Variants in ZNF366 observed in about 807,000 individuals in gnomAD.
The protein encoded by ZNF366 is zinc finger protein 366, also known as dendritic cell-specific transcript protein.
In ZNF366, 20 loss-of-function variants were observed where a neutral mutation model predicts 47.2. The ratio of observed to expected loss-of-function variants is 0.42; its 90% CI spans 0.30 to 0.62. The LOEUF (loss-of-function observed/expected upper bound fraction) is 0.62, where lower values mean the gene tolerates loss of function less well. ZNF366 is among the 20% of genes least tolerant of loss of function. The probability of loss-of-function intolerance (pLI) is 0.16; values close to 1 mark genes in which losing one functional copy is unlikely to be tolerated. For synonymous variants in ZNF366, 421 were observed against 395.1 expected, an observed-to-expected ratio of 1.07 and a Z score of -0.78; for missense variants, 987 against 976.3, an observed-to-expected ratio of 1.01 and a Z score of -0.15.
rs1010815784 is a variant in ZNF366 at position 72,499,958 on chromosome 5, C to T, written c.-15+7293G>A. On this transcript the variant is annotated intron_variant, in intron 1 of 4. Transcript: ENST00000318442. ...CTCTCTTCCGGCGCTGCTTCCTTCCCCCACCCCTCCAACAATAGTCTCCTC... is the reference window on the plus strand; with the variant it reads ...CTCTCTTCCGGCGCTGCTTCCTTCCTCCACCCCTCCAACAATAGTCTCCTC... Among the ~76,000 whole-genome samples the T allele has an allele frequency of 7.6e-4, 116 of 152,170 alleles. 8 individuals carry two copies. Among genetic ancestry groups the T allele is most frequent in the Non-Finnish European group, 7.4e-5 (5 of 68,026 alleles).
intron 1 of ZNF366, among the ~76,000 whole-genome samples, chr5:72,478,912 T>G (rs1743727534): frequency 6.6e-6 from 1 of 152,228 alleles, no homozygotes; most frequent in African/African-American, 2.4e-5. Context: ...GGTTACAGAA[T>G]AGTCATTCAA....
chr5:72,454,255 G>A (rs1389182130), intron 3 of ZNF366, among the ~76,000 whole-genome samples: 3 of 152,190 alleles, frequency 2.0e-5, no homozygotes, highest in East Asian at 1.9e-4. Flanking sequence ...AGGAGCCATC[G>A]TTCATGAAAG....
chr5:72,480,346 G>A (rs1025266735), intron 1 of ZNF366, among the ~76,000 whole-genome samples: 3 of 152,200 alleles, frequency 2.0e-5, no homozygotes, highest in African/African-American at 7.2e-5. Flanking sequence ...TTTGGCAAAA[G>A]AAAGAGTTCT....
Position 72,444,006 on chromosome 5 carries a change from G to T in ZNF366, c.1985C>A (p.Ala662Asp), listed in dbSNP as rs144841656. 1 of 1,614,008 alleles carries T rather than the reference G, an allele frequency of 6.2e-7. No individual in the cohort carries two copies. The highest frequency in any genetic ancestry group is 2.2e-5 in the East Asian group (1 of 44,884). Reference sequence around the variant, plus strand: ...TGCATCCTCCTTCTCCTCCTTGCAGGCTTCCTCCAGCACCTCGGGGGCGTG... The same window carrying T: ...TGCATCCTCCTTCTCCTCCTTGCAGTCTTCCTCCAGCACCTCGGGGGCGTG... ...SEHAPEVLEE[A>D]CKEEKEDASK... The change falls in exon 5 of 5, where the codon GCC (alanine) becomes GAC (aspartate). Residue 662 changes from alanine to aspartate, a missense_variant. Around this residue, in one of 3 missense-constraint regions of ZNF366, gnomAD observed 285 missense variants for 234.8 expected, o/e 1.21. Transcript: ENST00000318442.
At chr5:72,452,863 C>A (rs1266097385) in intron 3 of ZNF366, among the ~76,000 whole-genome samples, 4 of 152,154 alleles carry the variant, frequency 2.6e-5, no homozygotes, top group African/African-American at 9.7e-5. Flanking sequence ...CCAAATCAAC[C>A]CCTGTGTGCT....
At chr5:72,504,472 T>C (rs557937295) in intron 1 of ZNF366, among the ~76,000 whole-genome samples, 4 of 152,354 alleles carry the variant, frequency 2.6e-5, no homozygotes, top group African/African-American at 9.6e-5. Flanking sequence ...TGCATTGAGC[T>C]GTGTTGAATA....
chr5:72,469,007 C>T (rs1743490339), intron 1 of ZNF366, among the ~76,000 whole-genome samples: 1 of 152,180 alleles, frequency 6.6e-6, no homozygotes, highest in South Asian at 2.1e-4. Flanking sequence ...GATAAACTTA[C>T]TCTTAGCTAC....
chr5:72,446,828 A>G (rs569358544), intron 4 of ZNF366, among the ~76,000 whole-genome samples: 11 of 152,250 alleles, frequency 7.2e-5, no homozygotes, highest in Non-Finnish European at 1.3e-4. Flanking sequence ...CTGCACAGTC[A>G]GAAAGGCCTA....
chr5:72,460,462 G>C lies in ZNF366; in HGVS notation c.1035C>G (p.Gly345=). 1.2e-6 allele frequency: 2 copies of C among 1,614,016 alleles called. No homozygotes were observed. The highest frequency in any genetic ancestry group is 8.5e-7 in the Non-Finnish European group (1 of 1,179,960). Residue 345 remains glycine (G), a synonymous_variant, in exon 2 of 5, where the codon GGC becomes GGG. Transcript: ENST00000318442. The part of the protein sequence containing the change: ...KPHNCRVCGR[G]FAYPSELKAH... ...CCTTGAGCTCGCTGGGGTAGGCAAA[G>C]CCGCGGCCGCACACGCGGCAGTTGT...
rs1182825599 is a variant in ZNF366 at position 72,442,076 on chromosome 5, C to T, written c.*1680G>A. The T allele has an allele frequency of 6.6e-6, 1 of 152,122 alleles. No homozygotes were observed. Among genetic ancestry groups the T allele is most frequent in the East Asian group, 1.9e-4 (1 of 5,182 alleles). The allele number at this position is 152,122 out of a possible 1,614,324, so 9.4% of individuals were successfully genotyped here. ...TTTAAACATAGTAAGTGACCATAAA[C>T]ATCACAGGCATCATCTTCTAGTATA... On this transcript the variant is annotated 3_prime_UTR_variant, in exon 5 of 5. Coordinates refer to ENST00000318442, the MANE Select transcript of ZNF366 (RefSeq NM_152625.3).
intron 1 of ZNF366, among the ~76,000 whole-genome samples, chr5:72,474,858 TAA>T (rs1743641851): frequency 1.3e-5 from 2 of 152,250 alleles, no homozygotes; most frequent in African/African-American, 2.4e-5. Flanking sequence ...TTTGGAATTC[TAA>T]GTCTGCCTTA....
intron 1 of ZNF366, among the ~76,000 whole-genome samples, chr5:72,487,813 G>A (rs1220898370): frequency 6.6e-6 from 1 of 152,182 alleles, no homozygotes; most frequent in East Asian, 1.9e-4. Context: ...AAAATACCAG[G>A]ACAGGTTAAA....
At chr5:72,498,210 T>G (rs1744148810) in intron 1 of ZNF366, among the ~76,000 whole-genome samples, 1 of 152,214 alleles carries the variant, frequency 6.6e-6, no homozygotes, top group Non-Finnish European at 1.5e-5. Flanking sequence ...TATATTTTTA[T>G]TTTTAACATT....
Position 72,449,814 on chromosome 5 carries a change from A to G in ZNF366, c.1525-2397T>C, listed in dbSNP as rs141639878. 5.4e-3 allele frequency among the ~76,000 whole-genome samples: 830 copies of G among 152,304 alleles called. 4 individuals are homozygous for G. Among genetic ancestry groups the G allele is most frequent in the Non-Finnish European group, 8.5e-3 (579 of 68,022 alleles). On this transcript the variant is annotated intron_variant, in intron 3 of 4. Coordinates refer to ENST00000318442, the MANE Select transcript of ZNF366 (RefSeq NM_152625.3). ...CTCAGTAAGCATCTGCTGAGTGAGG[A>G]AAGGGGTGGGAAACATAGCCACGGA...
chr5:72,472,810 G>C (rs1252957945), intron 1 of ZNF366, among the ~76,000 whole-genome samples: 4 of 152,116 alleles, frequency 2.6e-5, no homozygotes, highest in Non-Finnish European at 5.9e-5. Context: ...TAATGTAGTT[G>C]AGTTGCTTAA....
chr5:72,504,966 G>A (rs1280657685), intron 1 of ZNF366, among the ~76,000 whole-genome samples: 1 of 152,184 alleles, frequency 6.6e-6, no homozygotes, highest in African/African-American at 2.4e-5. Flanking sequence ...ACCAAAAGTA[G>A]TACAACAACA....
intron 1 of ZNF366, among the ~76,000 whole-genome samples, chr5:72,474,678 A>G (rs1743637975): frequency 6.6e-6 from 1 of 151,966 alleles, no homozygotes; most frequent in African/African-American, 2.4e-5. Context: ...ACACACACAG[A>G]CACACACACA....
At position 72,444,246 on chromosome 5, in the gene ZNF366, A is replaced by T. The variant is rs116305374; in HGVS notation, c.1745T>A (p.Leu582Gln). The T allele has an allele frequency of 3.8e-4, 616 of 1,613,494 alleles. 3 individuals are homozygous for T. In the African/African-American group the frequency reaches 7.4e-3, roughly 19 times the overall value. Residue 582 changes from leucine (L) to glutamine (Q), a missense_variant, in exon 5 of 5, where the codon CTG (leucine) becomes CAG (glutamine). Coordinates refer to ENST00000318442, the MANE Select transcript of ZNF366 (RefSeq NM_152625.3). Reference protein sequence around the residue: ...RIALAQTAGVLRSLEQEEPFD... With the variant: ...RIALAQTAGVQRSLEQEEPFD... The stretch of plus-strand genomic sequence containing the variant: ...GGGCTCCTCCTGCTCCAGACTCCTC[A>T]GGACACCGGCTGTCTGTGCCAGGGC...
At chr5:72,487,465 C>T (rs1004184769) in intron 1 of ZNF366, among the ~76,000 whole-genome samples, 2 of 152,204 alleles carry the variant, frequency 1.3e-5, no homozygotes, top group African/African-American at 4.8e-5. Flanking sequence ...GATTCCAAGT[C>T]ATTTCCATAT....
Sources: gnomAD v4.1 joint callset for allele counts (sites outside exome capture counted in the v4.1 genomes callset) on GRCh38, gnomAD v4.1.1 for gene constraint, gnomAD v4.1.1 regional missense constraint, MANE v1.5 for transcripts, NCBI Gene and HGNC (gene_info 2026-07-23, HGNC 2026-07-21) for gene names.